CADM1: variants seen among roughly 807,000 people sequenced by gnomAD.
CADM1 encodes the protein cell adhesion molecule 1.
CADM1 carries 15 observed loss-of-function variants against 53.1 expected under a neutral mutation model. That is an observed-to-expected ratio of 0.28 (90% CI 0.19 to 0.44). CADM1 has a LOEUF of 0.44. Among genes scored for constraint, CADM1 ranks in the 20% least tolerant of loss-of-function variants. The probability of loss-of-function intolerance (pLI) is 1.00; values close to 1 mark genes in which losing one functional copy is unlikely to be tolerated. For missense variants in CADM1, 434 were observed against 611.3 expected, an observed-to-expected ratio of 0.71 and a Z score of 3.06; for synonymous variants, 281 against 243.0, an observed-to-expected ratio of 1.16 and a Z score of -1.45.
chr11:115,197,318 T>C (rs1053101308), intron 9 of CADM1, among the ~76,000 whole-genome samples: 1 of 152,308 alleles, frequency 6.6e-6, no homozygotes, highest in East Asian at 1.9e-4. Flanking sequence ...CATGGCAGGG[T>C]TGGCTGATCA....
At chr11:115,246,661 T>C (rs1942417565) in intron 1 of CADM1, among the ~76,000 whole-genome samples, 1 of 152,206 alleles carries the variant, frequency 6.6e-6, no homozygotes, top group Admixed American at 6.5e-5. Flanking sequence ...TCTTGGCTCT[T>C]TCTAGATAAC....
intron 1 of CADM1, among the ~76,000 whole-genome samples, chr11:115,279,984 C>T (rs1174923475): frequency 6.6e-6 from 1 of 152,214 alleles, no homozygotes. Context: ...TAAGCCCCTT[C>T]TCATCAAAGG....
intron 1 of CADM1, among the ~76,000 whole-genome samples, chr11:115,294,131 C>A (rs1943983421): frequency 6.6e-6 from 1 of 152,176 alleles, no homozygotes; most frequent in Admixed American, 6.5e-5. Flanking sequence ...TGGCTACTGG[C>A]CAGGAAACAT....
intron 1 of CADM1, among the ~76,000 whole-genome samples, chr11:115,338,471 AT>A (rs1423094751): frequency 1.3e-5 from 2 of 152,156 alleles, no homozygotes; most frequent in Non-Finnish European, 2.9e-5. Flanking sequence ...AAGAACTAAT[AT>A]CTAAGGTACA....
At chr11:115,391,420 G>A (rs527871219) in intron 1 of CADM1, among the ~76,000 whole-genome samples, 1 of 152,232 alleles carries the variant, frequency 6.6e-6, no homozygotes, top group South Asian at 2.1e-4. Context: ...GAATGGCCGT[G>A]GAGCACAGCT....
intron 1 of CADM1, among the ~76,000 whole-genome samples, chr11:115,485,699 C>G (rs542321206): frequency 6.6e-6 from 1 of 152,200 alleles, no homozygotes; most frequent in Non-Finnish European, 1.5e-5. Flanking sequence ...GAGGCCTCCC[C>G]AGTCACATGG....
chr11:115,396,665 T>C (rs1947005772), intron 1 of CADM1: 1 of 152,206 alleles, frequency 6.6e-6, no homozygotes, highest in Non-Finnish European at 1.5e-5. Flanking sequence ...AATACATCTG[T>C]GACAGAATAA....
intron 10 of CADM1, chr11:115,179,035 G>A: frequency 2.1e-6 from 1 of 483,892 alleles, no homozygotes; most frequent in Admixed American, 3.1e-5. Flanking sequence ...GGGAGGCAGG[G>A]AAGGAAGAAA....
At chr11:115,367,433 T>C (rs1946193459) in intron 1 of CADM1, among the ~76,000 whole-genome samples, 1 of 152,206 alleles carries the variant, frequency 6.6e-6, no homozygotes, top group South Asian at 2.1e-4. Flanking sequence ...AACCTATACA[T>C]CAAATCAAGT....
intron 1 of CADM1, among the ~76,000 whole-genome samples, chr11:115,331,873 CT>C (rs141722707): frequency 1.1e-4 from 16 of 146,832 alleles, no homozygotes; most frequent in African/African-American, 3.1e-4. Context: ...AAATATAGAC[CT>C]TTTTTTTTGT....
intron 3 of CADM1, among the ~76,000 whole-genome samples, chr11:115,235,309 C>T (rs1410418974): frequency 6.6e-6 from 1 of 151,896 alleles, no homozygotes; most frequent in Non-Finnish European, 1.5e-5. Context: ...TTTCCTTTAG[C>T]TTCACAATGT....
chr11:115,475,808 G>A (rs1165840240), intron 1 of CADM1, among the ~76,000 whole-genome samples: 1 of 152,214 alleles, frequency 6.6e-6, no homozygotes, highest in Non-Finnish European at 1.5e-5. Context: ...GAGACACCAT[G>A]AGGGGATCCG....
chr11:115,195,405 A>T (rs1186088291), intron 9 of CADM1, among the ~76,000 whole-genome samples: 1 of 152,246 alleles, frequency 6.6e-6, no homozygotes. Flanking sequence ...AGCTTTAAAA[A>T]TTTTTATTTT....
At chr11:115,323,288 T>G (rs1437195977) in intron 1 of CADM1, among the ~76,000 whole-genome samples, 1 of 152,316 alleles carries the variant, frequency 6.6e-6, no homozygotes, top group East Asian at 1.9e-4. Flanking sequence ...TCGGTAGAAA[T>G]ATATAAAATA....
chr11:115,180,050 A>G (rs561767511), intron 10 of CADM1, among the ~76,000 whole-genome samples: 37 of 152,292 alleles, frequency 2.4e-4, no homozygotes, highest in Admixed American at 6.5e-4. Context: ...CTCTACCTCT[A>G]ATAATATTTG....
intron 1 of CADM1, among the ~76,000 whole-genome samples, chr11:115,324,412 G>T (rs923162147): frequency 4.6e-5 from 7 of 152,100 alleles, no homozygotes; most frequent in Non-Finnish European, 1.0e-4. Flanking sequence ...AACAAAAGAA[G>T]GCAAAATTGT....
intron 1 of CADM1, among the ~76,000 whole-genome samples, chr11:115,341,276 G>A (rs1029389815): frequency 6.6e-6 from 1 of 152,080 alleles, no homozygotes; most frequent in Non-Finnish European, 1.5e-5. Flanking sequence ...TCAGTGACTA[G>A]GATAAGCTTA....
chr11:115,274,065 A>G (rs1943378177), intron 1 of CADM1, among the ~76,000 whole-genome samples: 1 of 152,214 alleles, frequency 6.6e-6, no homozygotes, highest in Non-Finnish European at 1.5e-5. Context: ...CAACATTGAC[A>G]TAAGGTGTGC....
At chr11:115,340,849 C>T (rs755585426) in intron 1 of CADM1, among the ~76,000 whole-genome samples, 4 of 149,840 alleles carry the variant, frequency 2.7e-5, no homozygotes, top group South Asian at 2.1e-4. Flanking sequence ...TTAGTAGAGA[C>T]GGGGGTTTCT....
Sources: gnomAD v4.1 joint callset for allele counts (sites outside exome capture counted in the v4.1 genomes callset) on GRCh38, gnomAD v4.1.1 for gene constraint, MANE v1.5 for transcripts, NCBI Gene and HGNC (gene_info 2026-07-23, HGNC 2026-07-21) for gene names.